The following DCHS2 variants were observed in gnomAD, a reference collection of about 807,000 sequenced individuals.
DCHS2 encodes the protein protocadherin-23.
Under a neutral mutation model 182.4 loss-of-function variants are expected in DCHS2, and 142 were observed. The observed-to-expected ratio is 0.78, with a 90% CI of 0.68 to 0.89. The LOEUF is 0.89. DCHS2 is among the 40% of genes least tolerant of loss of function. The pLI, the probability that DCHS2 is intolerant of heterozygous loss-of-function variation, is 0.00. For synonymous variants in DCHS2, 1,740 were observed against 1,663.3 expected, an observed-to-expected ratio of 1.05 and a Z score of -1.12; for missense variants, 4,319 against 4,198.6, an observed-to-expected ratio of 1.03 and a Z score of -0.79.
At chr4:154,445,532 C>A (rs1490658) in intron 1 of DCHS2, among the ~76,000 whole-genome samples, 1 of 152,106 alleles carries the variant, frequency 6.6e-6, no homozygotes, top group Non-Finnish European at 1.5e-5. Context: ...TAGGCCAGGC[C>A]GGGCATGGTG....
intron 3 of DCHS2, among the ~76,000 whole-genome samples, chr4:154,365,661 T>C (rs891797859): frequency 2.7e-5 from 4 of 150,774 alleles, no homozygotes; most frequent in Non-Finnish European, 5.9e-5. Context: ...CTTTTTTTTT[T>C]CTTTTTTTTA....
rs1242256640 is a variant in DCHS2 at position 154,490,286 on chromosome 4, G to A, written c.1070C>T (p.Ala357Val). The A allele has an allele frequency of 6.5e-7, 1 of 1,548,048 alleles. No homozygotes were observed. Among genetic ancestry groups the A allele is most frequent in the African/African-American group, 1.4e-5 (1 of 73,142 alleles). ...GGALGDAAYFAVEELSGVVRV... is the reference protein window; with the variant it reads ...GGALGDAAYFVVEELSGVVRV... Reference sequence around the variant, plus strand: ...CACCACGCCGCTCAGCTCCTCCACCGCGAAGTAGGCCGCGTCGCCCAGTGC... The same window carrying A: ...CACCACGCCGCTCAGCTCCTCCACCACGAAGTAGGCCGCGTCGCCCAGTGC... The change falls in exon 1 of 20, where the codon GCG becomes GTG. Residue 357 changes from alanine (A) to valine (V), a missense_variant. By Grantham distance (64) the Ala-to-Val change is moderately conservative. Coordinates refer to ENST00000357232, the MANE Select transcript of DCHS2 (RefSeq NM_001358235.2).
chr4:154,383,882 T>C (rs919948711), intron 1 of DCHS2, among the ~76,000 whole-genome samples: 2 of 151,886 alleles, frequency 1.3e-5, no homozygotes, highest in African/African-American at 2.4e-5. Flanking sequence ...ACAGGAGTTC[T>C]AGTGGAAAAA....
chr4:154,235,543 C>G lies in DCHS2; in HGVS notation c.9109G>C (p.Asp3037His), dbSNP rs776917422. ...TCCCGGGTCACTCTCAAGTCCGCAT[C>G]TAAAGATGAGGTTTTCTTCTCCTCA... ...NYEEKKTSSL[D>H]ADLRVTRDAS... Residue 3037 changes from aspartate to histidine, a missense_variant, in exon 20 of 20, where the codon GAT becomes CAT. Coordinates refer to ENST00000357232, the MANE Select transcript of DCHS2 (RefSeq NM_001358235.2). The G allele has an allele frequency of 1.2e-6, 2 of 1,614,084 alleles. No homozygotes were observed. Among genetic ancestry groups the G allele is most frequent in the Admixed American group, 3.3e-5 (2 of 60,016 alleles).
intron 1 of DCHS2, among the ~76,000 whole-genome samples, chr4:154,463,704 CTCT>C (rs2111003238): frequency 6.7e-6 from 1 of 150,330 alleles, no homozygotes; most frequent in South Asian, 2.1e-4. Flanking sequence ...CTCTCTCTCT[CTCT>C]CTCTCTCTCT....
intron 6 of DCHS2, 80 bp downstream of exon 6, chr4:154,329,443 T>C: frequency 6.6e-6 from 9 of 1,369,954 alleles, no homozygotes; most frequent in Non-Finnish European, 9.1e-6. Flanking sequence ...TGTGATAAAT[T>C]CACAGGTTTT....
chr4:154,329,835 A>G (rs573631739), intron 5 of DCHS2, 125 bp from the exon 6 acceptor site: 16 of 804,698 alleles, frequency 2.0e-5, no homozygotes, highest in Middle Eastern at 3.9e-4. Context: ...AAGACCATCT[A>G]CATAGTAGTT....
chr4:154,423,073 AATATAACTCATACCATAAACTCCACC>A (rs1733176984), intron 1 of DCHS2, among the ~76,000 whole-genome samples: 1 of 152,216 alleles, frequency 6.6e-6, no homozygotes, highest in Non-Finnish European at 1.5e-5. Flanking sequence ...ATTGATTTAA[AATATAACTCATACCATAAACTCCACC>A]CATTTAAACT....
At chr4:154,269,661 C>T (rs556525175) in intron 14 of DCHS2, among the ~76,000 whole-genome samples, 1 of 152,100 alleles carries the variant, frequency 6.6e-6, no homozygotes, top group South Asian at 2.1e-4. Context: ...AATTTATCTT[C>T]AAAAATTTGA....
intron 1 of DCHS2, among the ~76,000 whole-genome samples, chr4:154,482,452 A>G (rs1735958493): frequency 6.6e-6 from 1 of 152,240 alleles, no homozygotes; most frequent in Admixed American, 6.5e-5. Flanking sequence ...ATTGAAAAAG[A>G]TAGCAGCACA....
intron 1 of DCHS2, among the ~76,000 whole-genome samples, chr4:154,459,185 T>A (rs1734899076): frequency 6.6e-6 from 1 of 152,096 alleles, no homozygotes; most frequent in South Asian, 2.1e-4. Flanking sequence ...ATTAGATTTG[T>A]CAGGGGAGTT....
intron 1 of DCHS2, among the ~76,000 whole-genome samples, chr4:154,398,054 A>G (rs1287172364): frequency 7.9e-5 from 12 of 152,202 alleles, no homozygotes; most frequent in Admixed American, 7.8e-4. Context: ...ATGAAAGTAG[A>G]TACACTTTGT....
chr4:154,349,025 G>A (rs1054372659), intron 3 of DCHS2, among the ~76,000 whole-genome samples: 21 of 151,994 alleles, frequency 1.4e-4, no homozygotes, highest in African/African-American at 5.1e-4. Flanking sequence ...CTATATCAAA[G>A]GTTTGGCATG....
intron 16 of DCHS2, among the ~76,000 whole-genome samples, chr4:154,250,313 C>A (rs1187381868): frequency 2.6e-5 from 4 of 152,076 alleles, no homozygotes; most frequent in African/African-American, 7.2e-5. Context: ...TTTGCAGTTC[C>A]TATTTATCGG....
chr4:154,473,801 C>A (rs1404307680), intron 1 of DCHS2, among the ~76,000 whole-genome samples: 2 of 152,150 alleles, frequency 1.3e-5, no homozygotes, highest in Non-Finnish European at 2.9e-5. Context: ...CAACCAGAGT[C>A]CAGAATCCTG....
intron 2 of DCHS2, among the ~76,000 whole-genome samples, chr4:154,372,570 G>T (rs1730691900): frequency 6.6e-6 from 1 of 152,094 alleles, no homozygotes; most frequent in African/African-American, 2.4e-5. Context: ...ACAAAAAATA[G>T]AGATAGAGTG....
chr4:154,320,952 C>G lies in DCHS2; in HGVS notation c.4447G>C (p.Asp1483His), dbSNP rs1332057677. 1.5e-5 allele frequency: 25 copies of G among 1,614,044 alleles called. No homozygotes were observed. The highest frequency in any genetic ancestry group is 2.1e-5 in the Non-Finnish European group (25 of 1,179,994). The change falls in exon 9 of 20, where the codon GAC (aspartate) becomes CAC (histidine). Residue 1483 changes from aspartate to histidine, a missense_variant. Asp to His is a moderately conservative substitution (Grantham distance 81). Transcript: ENST00000357232. ...CTCAGGGAAAGGTTTTTGCTATGGT[C>G]TGTAGTAATCACTCTGAAAAGATAA... is the stretch of plus-strand genomic sequence containing the variant. ...SHYLFRVITT[D>H]HSKNLSLSST...
chr4:154,262,227 C>T (rs182120478), intron 14 of DCHS2: 4 of 152,150 alleles, frequency 2.6e-5, no homozygotes, highest in African/African-American at 9.7e-5. Flanking sequence ...ATCGACGGTT[C>T]TAATGCTTTC....
chr4:154,368,896 G>T (rs1730516311), intron 2 of DCHS2, among the ~76,000 whole-genome samples: 1 of 152,156 alleles, frequency 6.6e-6, no homozygotes, highest in Non-Finnish European at 1.5e-5. Flanking sequence ...CAGAGGACAG[G>T]CTTGGCAGTC....
Sources: allele counts gnomAD v4.1 joint callset (sites outside exome capture counted in the v4.1 genomes callset), GRCh38; gene constraint gnomAD v4.1.1; transcripts MANE v1.5; gene names NCBI Gene and HGNC (gene_info 2026-07-23, HGNC 2026-07-21).